MAP3K20: variants seen among roughly 807,000 people sequenced by gnomAD.
MAP3K20 encodes HCCS-4.
Under a neutral mutation model 85.7 loss-of-function variants are expected in MAP3K20, and 40 were observed. The ratio of observed to expected loss-of-function variants is 0.47; its 90% CI spans 0.36 to 0.61. The LOEUF (loss-of-function observed/expected upper bound fraction) is 0.61, where lower values mean the gene tolerates loss of function less well. Among genes scored for constraint, MAP3K20 ranks in the 20% least tolerant of loss-of-function variants. The pLI is 0.00. For missense variants in MAP3K20, 817 were observed against 961.7 expected (o/e 0.85, Z 1.99); for synonymous variants, 325 against 327.7 (o/e 0.99, Z 0.09).
Position 173,245,292 on chromosome 2 carries a change from T to C in MAP3K20, c.1359+5796T>C, listed in dbSNP as rs546164307. Reference sequence around the variant, plus strand: ...TTCTTAGCTTCATTTTACAAGCAGATGGATGATGGCACAAAGCGAGGTTGA... The same window carrying C: ...TTCTTAGCTTCATTTTACAAGCAGACGGATGATGGCACAAAGCGAGGTTGA... On this transcript the variant is annotated intron_variant, in intron 16 of 19. Transcript: ENST00000375213. 1.6e-4 allele frequency among the ~76,000 whole-genome samples: 24 copies of C among 152,264 alleles called. No homozygotes were observed. In the East Asian group the frequency reaches 2.7e-3, roughly 17 times the overall value.
chr2:173,111,770 T>C (rs763798772), intron 2 of MAP3K20, among the ~76,000 whole-genome samples: 7 of 152,238 alleles, frequency 4.6e-5, no homozygotes, highest in Non-Finnish European at 1.0e-4. Flanking sequence ...TCTATTCTGT[T>C]CCATTGGTCT....
At chr2:173,148,202 G>A (rs915872248) in intron 2 of MAP3K20, among the ~76,000 whole-genome samples, 3 of 152,046 alleles carry the variant, frequency 2.0e-5, no homozygotes, top group South Asian at 2.1e-4. Context: ...ACCAGTTCTC[G>A]TCTGTCTTTG....
chr2:173,193,116 C>G (rs905050210), intron 7 of MAP3K20: 2 of 152,204 alleles, frequency 1.3e-5, no homozygotes, highest in African/African-American at 4.8e-5. Context: ...CTTGACCGTT[C>G]AGAGTGGCTC....
chr2:173,129,976 ACT>A (rs1218752953), intron 2 of MAP3K20, among the ~76,000 whole-genome samples: 2 of 152,186 alleles, frequency 1.3e-5, no homozygotes, highest in African/African-American at 4.8e-5. Context: ...GGAAATCAAT[ACT>A]CTCTAAATTT....
intron 4 of MAP3K20, 33 bp downstream of exon 4, chr2:173,182,988 G>T: frequency 1.9e-6 from 3 of 1,539,156 alleles, no homozygotes; most frequent in Non-Finnish European, 2.7e-6. Flanking sequence ...TATAGAATTA[G>T]TGGGGTGCAT....
chr2:173,235,599 C>T (rs747601075), intron 14 of MAP3K20, among the ~76,000 whole-genome samples: 8 of 152,098 alleles, frequency 5.3e-5, no homozygotes, highest in Non-Finnish European at 7.4e-5. Flanking sequence ...TCTTGACTGC[C>T]TAATGGGAGT....
In MAP3K20 at chr2:173,142,172, C is replaced by T. The variant is rs572756613; in HGVS notation, c.160-27633C>T. On this transcript the variant is annotated intron_variant, in intron 2 of 19. Coordinates refer to ENST00000375213, the MANE Select transcript of MAP3K20 (RefSeq NM_016653.3). ...TATTATGGGTTGTATAATGTATGTA[C>T]GTTAAAATATATAACACATGGCTGG... 4.6e-5 allele frequency among the ~76,000 whole-genome samples: 7 copies of T among 152,170 alleles called. No homozygotes were observed. The South Asian group carries it at 8.3e-4, about 18-fold the overall frequency.
chr2:173,220,673 A>G (rs1684219801), intron 11 of MAP3K20, among the ~76,000 whole-genome samples: 1 of 152,204 alleles, frequency 6.6e-6, no homozygotes. Context: ...AGAACTGTAT[A>G]GACTGCTGAA....
In MAP3K20 at chr2:173,238,382, G is replaced by C; in HGVS notation, c.1213G>C (p.Glu405Gln). 6.2e-7 allele frequency: 1 copy of C among 1,612,334 alleles called. No individual in the cohort carries two copies. The change falls in exon 15 of 20, where the codon GAG (glutamate) becomes CAG (glutamine). Residue 405 changes from glutamate to glutamine, a missense_variant. Glu to Gln is a conservative substitution (Grantham distance 29). Coordinates refer to ENST00000375213, the MANE Select transcript of MAP3K20 (RefSeq NM_016653.3). Reference protein sequence around the residue: ...GHIIHFKSAIEKLTHDYINLF... With the variant: ...GHIIHFKSAIQKLTHDYINLF... ...ATGATTTTTTTTACAGTCAGCCATT[G>C]AGAAATTAACCCATGATTACATAAA...
chr2:173,138,660 G>T (rs952581117), intron 2 of MAP3K20, among the ~76,000 whole-genome samples: 6 of 152,146 alleles, frequency 3.9e-5, no homozygotes, highest in African/African-American at 1.4e-4. Flanking sequence ...CCAGGTCTTT[G>T]GTTTGCTGGT....
chr2:173,109,761 A>G (rs1687889661), intron 2 of MAP3K20, among the ~76,000 whole-genome samples: 1 of 152,172 alleles, frequency 6.6e-6, no homozygotes, highest in African/African-American at 2.4e-5. Flanking sequence ...ATTTGTGTCT[A>G]CAAACAAAAA....
chr2:173,147,881 G>A (rs892871429), intron 2 of MAP3K20, among the ~76,000 whole-genome samples: 6 of 151,978 alleles, frequency 3.9e-5, no homozygotes, highest in Non-Finnish European at 7.4e-5. Flanking sequence ...CACCGTGCCC[G>A]GCCACTCCAG....
At chr2:173,194,226 A>G (rs1439949165) in intron 7 of MAP3K20, among the ~76,000 whole-genome samples, 3 of 152,212 alleles carry the variant, frequency 2.0e-5, no homozygotes, top group Non-Finnish European at 4.4e-5. Flanking sequence ...TAATTTAATT[A>G]TAAACAAGAA....
At chr2:173,248,313 G>A (rs115378274) in intron 16 of MAP3K20, among the ~76,000 whole-genome samples, 16 of 152,084 alleles carry the variant, frequency 1.1e-4, no homozygotes, top group Admixed American at 7.2e-4. Context: ...GTTGAGCCCC[G>A]TCCCTACCCT....
chr2:173,202,031 G>A (rs567230931), intron 8 of MAP3K20, among the ~76,000 whole-genome samples: 19 of 152,216 alleles, frequency 1.2e-4, no homozygotes, highest in African/African-American at 3.9e-4. Context: ...TACCCTTGAC[G>A]AAAACTCATT....
At chr2:173,157,906 C>T (rs1162029870) in intron 2 of MAP3K20, among the ~76,000 whole-genome samples, 1 of 152,210 alleles carries the variant, frequency 6.6e-6, no homozygotes, top group Non-Finnish European at 1.5e-5. Flanking sequence ...TCTCACGCTT[C>T]TGTGACTAAA....
chr2:173,151,245 T>G (rs1689298962), intron 2 of MAP3K20, among the ~76,000 whole-genome samples: 1 of 152,148 alleles, frequency 6.6e-6, no homozygotes, highest in Admixed American at 6.5e-5. Context: ...TGACAGTTAC[T>G]CAGAGAATCC....
At chr2:173,150,001 TA>T (rs1347351261) in intron 2 of MAP3K20, among the ~76,000 whole-genome samples, 4 of 152,202 alleles carry the variant, frequency 2.6e-5, no homozygotes, top group Non-Finnish European at 5.9e-5. Flanking sequence ...CCAAAGGCAG[TA>T]GTTTTGAAAA....
chr2:173,171,976 GT>G (rs1308371212), intron 3 of MAP3K20, among the ~76,000 whole-genome samples: 1 of 152,178 alleles, frequency 6.6e-6, no homozygotes, highest in East Asian at 1.9e-4. Flanking sequence ...GATTATCTTT[GT>G]TCCTAGAGAT....
Sources: gnomAD v4.1 joint callset for allele counts (sites outside exome capture counted in the v4.1 genomes callset) on GRCh38, gnomAD v4.1.1 for gene constraint, MANE v1.5 for transcripts, NCBI Gene and HGNC (gene_info 2026-07-23, HGNC 2026-07-21) for gene names.